SPSB2: variants seen among roughly 807,000 people sequenced by gnomAD.
SPSB2 encodes the protein SPRY domain-containing SOCS box protein 2.
SPSB2 carries 25 observed loss-of-function variants against 19.2 expected under a neutral mutation model. The observed-to-expected ratio is 1.30, with a 90% CI of 0.95 to 1.82. The LOEUF (loss-of-function observed/expected upper bound fraction) is 1.82. Among genes scored for constraint, SPSB2 ranks in the 40% most tolerant of loss-of-function variants. The pLI, the probability that SPSB2 is intolerant of heterozygous loss-of-function variation, is 0.00. For missense variants in SPSB2, 413 were observed against 344.9 expected (o/e 1.20, Z -1.56); for synonymous variants, 153 against 154.9 (o/e 0.99, Z 0.09).
chr12:6,872,045 C>T, intron 2 of SPSB2, 193 bp downstream of exon 2: 1 of 1,508,544 alleles, frequency 6.6e-7, no homozygotes, highest in East Asian at 2.4e-5. Context: ...TTTCTCAAGC[C>T]TGTTTCACCT....
At position 6,872,871 on chromosome 12, in the gene SPSB2, T is replaced by G. The variant is rs1555134183; in HGVS notation, c.31A>C (p.Ser11Arg). 3.1e-6 allele frequency: 5 copies of G among 1,591,148 alleles called. No individual in the cohort carries two copies. In the South Asian group the frequency reaches 5.6e-5, roughly 18 times the overall value. Reference sequence around the variant, plus strand: ...AGGGCCTGTGGCGTGGGGGTGCTGCTGCTGCCCCCTGCCAGAGCTGTCTGG... The same window carrying G: ...AGGGCCTGTGGCGTGGGGGTGCTGCGGCTGCCCCCTGCCAGAGCTGTCTGG... MGQTALAGGS[S>R]STPTPQALYP... The change falls in exon 2 of 3, where the codon AGC (serine) becomes CGC (arginine). Residue 11 changes from serine to arginine, a missense_variant. Ser to Arg is a moderately radical substitution (Grantham distance 110). Transcript: ENST00000524270.
In SPSB2 at chr12:6,872,823, C is replaced by T. The variant is rs1402204323; in HGVS notation, c.79G>A (p.Glu27Lys). ...GCAGACAGCAGCTCTTCCAAGCCCT[C>T]GGGACAGGAGAGGTCAGGGTACAGG... ...QALYPDLSCP[E>K]GLEELLSAPP... is the part of the protein sequence containing the mutation. Residue 27 changes from glutamate (E) to lysine (K), a missense_variant, in exon 2 of 3, where the codon GAG (glutamate) becomes AAG (lysine). Coordinates refer to ENST00000524270, the MANE Select transcript of SPSB2 (RefSeq NM_032641.4). 4 of 1,611,644 alleles carry T rather than the reference C, an allele frequency of 2.5e-6. No homozygotes were observed. Among genetic ancestry groups the T allele is most frequent in the African/African-American group, 2.7e-5 (2 of 74,922 alleles).
rs782437142 is a variant in SPSB2, at chr12:6,871,319, G to C, written c.665C>G (p.Ala222Gly). Reference sequence around the variant, plus strand: ...CAGGTGCAGAAGGGAGTGTGGCTCCGCTGGGAGAGAGAAGGAGGGGAATGT... The same window carrying C: ...CAGGTGCAGAAGGGAGTGTGGCTCCCCTGGGAGAGAGAAGGAGGGGAATGT... ...VRIRYLGERR[A>G]EPHSLLHLSR... Residue 222 changes from alanine (A) to glycine (G), a missense_variant and splice_region_variant, in exon 3 of 3, where the codon GCG (alanine) becomes GGG (glycine). Physicochemically the swap from Ala to Gly is moderately conservative, Grantham distance 60 (BLOSUM62 0). Transcript: ENST00000524270. The C allele has an allele frequency of 6.2e-7, 1 of 1,611,950 alleles. No homozygotes were observed. Among genetic ancestry groups the C allele is most frequent in the Non-Finnish European group, 8.5e-7 (1 of 1,179,318 alleles).
Position 6,872,275 on chromosome 12 carries a change from C to A in SPSB2, c.627G>T (p.Gln209His). The A allele has an allele frequency of 6.2e-7, 1 of 1,614,168 alleles. No homozygotes were observed. Among genetic ancestry groups the A allele is most frequent in the South Asian group, 1.1e-5 (1 of 91,086 alleles). ...LYPAVSAVWG[Q>H]CQVRIRYLGE... ...CCAGGTAGCGGATGCGGACCTGGCA[C>A]TGGCCCCAGACAGCGCTTACTGCCG... The change falls in exon 2 of 3, where the codon CAG becomes CAT. Residue 209 changes from glutamine (Q) to histidine (H), a missense_variant. Coordinates refer to ENST00000524270, the MANE Select transcript of SPSB2 (RefSeq NM_032641.4).
chr12:6,872,496 C>CGATG lies in SPSB2; in HGVS notation c.402_405dup (p.Gly136HisfsTer25), dbSNP rs782227667. 1.7e-5 allele frequency: 28 copies of CGATG among 1,612,726 alleles called. No homozygotes were observed. In the East Asian group the frequency reaches 6.2e-4, roughly 36 times the overall value. ...CTCTGATGGTACAGCTTCCCCCGCC[C>CGATG]GATGTCCCAGCCCCACGACTCGCTG... On this transcript the variant is annotated frameshift_variant, in exon 2 of 3. Coordinates refer to ENST00000524270, the MANE Select transcript of SPSB2 (RefSeq NM_032641.4). LOFTEE classifies it high-confidence loss of function.
In SPSB2 at chr12:6,872,307, G is replaced by A; in HGVS notation, c.595C>T (p.Leu199Phe). 6.2e-7 allele frequency: 1 copy of A among 1,614,200 alleles called. No individual in the cohort carries two copies. Among genetic ancestry groups the A allele is most frequent in the Non-Finnish European group, 8.5e-7 (1 of 1,180,028 alleles). Residue 199 changes from leucine to phenylalanine, a missense_variant, in exon 2 of 3, where the codon CTC becomes TTC. Leu to Phe is a conservative substitution (Grantham distance 22, BLOSUM62 0). Coordinates refer to ENST00000524270, the MANE Select transcript of SPSB2 (RefSeq NM_032641.4). ...CAGACAGCGCTTACTGCCGGATAGA[G>A]GGTCCTGCCCTTCAGTCCGCGGAAT... ...PAFRGLKGRT[L>F]YPAVSAVWGQ... is the part of the protein sequence containing the mutation.
chr12:6,872,896 G>A lies in SPSB2; in HGVS notation c.6C>T (p.Gly2=), dbSNP rs782045508. The stretch of plus-strand genomic sequence containing the variant: ...TGCTGCCCCCTGCCAGAGCTGTCTG[G>A]CCCATGGAGGTGAGGAGCTAGAGGA... M[G]QTALAGGSSS... is the part of the protein sequence containing the mutation. The change falls in exon 2 of 3, where the codon GGC becomes GGT. Residue 2 remains glycine (G), a synonymous_variant. Coordinates refer to ENST00000524270, the MANE Select transcript of SPSB2 (RefSeq NM_032641.4). 6.4e-7 allele frequency: 1 copy of A among 1,570,728 alleles called. No individual in the cohort carries two copies. Among genetic ancestry groups the A allele is most frequent in the Non-Finnish European group, 8.7e-7 (1 of 1,155,552 alleles).
In SPSB2 at chr12:6,871,125, G is replaced by A; in HGVS notation, c.*67C>T. On this transcript the variant is annotated 3_prime_UTR_variant, in exon 3 of 3. Coordinates refer to ENST00000524270, the MANE Select transcript of SPSB2 (RefSeq NM_032641.4). ...TCAGCAGCTGGTCTAGGCCAGCAGT[G>A]CCTCCCCACCTCCCCAAGGGGAGGG... The A allele has an allele frequency of 1.9e-6, 3 of 1,545,040 alleles. No homozygotes were observed. Among genetic ancestry groups the A allele is most frequent in the Non-Finnish European group, 2.6e-6 (3 of 1,142,770 alleles).
In SPSB2 at chr12:6,871,023, T is replaced by G; in HGVS notation, c.*169A>C. 1.3e-6 allele frequency: 1 copy of G among 794,438 alleles called. No individual in the cohort carries two copies. Among genetic ancestry groups the G allele is most frequent in the South Asian group, 1.6e-5 (1 of 62,140 alleles). The allele number at this position is 794,438 out of a possible 1,614,324, so 49.2% of individuals were successfully genotyped here. A position where few individuals can be genotyped will look rare whatever the true frequency, so the allele number is the denominator to read the frequency against. ...AGCCTTGAACGCCGGCTCCCTTTCT[T>G]CCTCCCTCCAAGTGGCTCTGGGGCT... On this transcript the variant is annotated 3_prime_UTR_variant, in exon 3 of 3. Transcript: ENST00000524270.
Position 6,871,306 on chromosome 12 carries a change from G to A in SPSB2, c.678C>T (p.Ser226=). The A allele has an allele frequency of 6.2e-7, 1 of 1,613,552 alleles. No homozygotes were observed. Among genetic ancestry groups the A allele is most frequent in the Non-Finnish European group, 8.5e-7 (1 of 1,179,874 alleles). Residue 226 remains serine (S), a synonymous_variant, in exon 3 of 3, where the codon TCC becomes TCT. Transcript: ENST00000524270. ...YLGERRAEPH[S]LLHLSRLCVR... is the part of the protein sequence containing the mutation. ...CACACAGGCGGCTCAGGTGCAGAAG[G>A]GAGTGTGGCTCCGCTGGGAGAGAGA...
Position 6,872,765 on chromosome 12 carries a change from T to G in SPSB2, c.137A>C (p.His46Pro). The change falls in exon 2 of 3, where the codon CAC (histidine) becomes CCC (proline). Residue 46 changes from histidine (H) to proline (P), a missense_variant. Coordinates refer to ENST00000524270, the MANE Select transcript of SPSB2 (RefSeq NM_032641.4). ...PPPDLGAQRR[H>P]GWNPKDCSEN... ...TGAACAGTCTTTGGGGTTCCAACCG[T>G]GGCGCCGCTGGGCCCCCAGGTCAGG... 6.2e-7 allele frequency: 1 copy of G among 1,612,526 alleles called. No homozygotes were observed. The highest frequency in any genetic ancestry group is 8.5e-7 in the Non-Finnish European group (1 of 1,180,026).
chr12:6,872,767 G>A lies in SPSB2; in HGVS notation c.135C>T (p.Arg45=), dbSNP rs1425241645. ...AACAGTCTTTGGGGTTCCAACCGTG[G>A]CGCCGCTGGGCCCCCAGGTCAGGAG... ...APPPDLGAQR[R]HGWNPKDCSE... is the part of the protein sequence containing the mutation. Residue 45 remains arginine (R), a synonymous_variant, in exon 2 of 3, where the codon CGC becomes CGT. Coordinates refer to ENST00000524270, the MANE Select transcript of SPSB2 (RefSeq NM_032641.4). 2 of 1,612,486 alleles carry A rather than the reference G, an allele frequency of 1.2e-6. No homozygotes were observed. Among genetic ancestry groups the A allele is most frequent in the East Asian group, 2.2e-5 (1 of 44,888 alleles).
chr12:6,872,462 G>A lies in SPSB2; in HGVS notation c.440C>T (p.Pro147Leu). 2 of 1,614,060 alleles carry A rather than the reference G, an allele frequency of 1.2e-6. No individual in the cohort carries two copies. The highest frequency in any genetic ancestry group is 1.7e-6 in the Non-Finnish European group (2 of 1,180,018). The change falls in exon 2 of 3, where the codon CCC becomes CTC. Residue 147 changes from proline to leucine, a missense_variant. Pro to Leu is a moderately conservative substitution (Grantham distance 98). Transcript: ENST00000524270. Reference sequence around the variant, plus strand: ...TCCCGCTGGATACTGGGGGGCTCCGGGCCCCTTGCTCTGATGGTACAGCTT... The same window carrying A: ...TCCCGCTGGATACTGGGGGGCTCCGAGCCCCTTGCTCTGATGGTACAGCTT... ...RGKLYHQSKG[P>L]GAPQYPAGTQ...
rs1343635327 is a variant in SPSB2 at position 6,873,273 on chromosome 12, CGCCGGGCCTCTGAAGGA to C, written c.-141_-125del. ...CGGTTGACTTCCCAGCCCTGGAGGT[CGCCGGGCCTCTGAAGGA>C]GCCGGGCGGAAAGAAGCCGAGGCGC... On this transcript the variant is annotated 5_prime_UTR_variant, in exon 1 of 3. Coordinates refer to ENST00000524270, the MANE Select transcript of SPSB2 (RefSeq NM_032641.4). 5.1e-6 allele frequency: 1 copy of C among 196,406 alleles called. No individual in the cohort carries two copies. Among genetic ancestry groups the C allele is most frequent in the Non-Finnish European group, 1.0e-5 (1 of 97,320 alleles). The allele number at this position is 196,406 out of a possible 1,614,324, so 12.2% of individuals were successfully genotyped here. A position where few individuals can be genotyped will look rare whatever the true frequency, so the allele number is the denominator to read the frequency against.
In SPSB2 at chr12:6,871,331, A is replaced by G. The variant is rs782646050; in HGVS notation, c.665-12T>C. The G allele has an allele frequency of 2.1e-5, 34 of 1,595,024 alleles. No homozygotes were observed. The highest frequency in any genetic ancestry group is 1.1e-4 in the African/African-American group (7 of 63,066). On this transcript the variant is annotated splice_polypyrimidine_tract_variant and intron_variant, in intron 2 of 2. Coordinates refer to ENST00000524270, the MANE Select transcript of SPSB2 (RefSeq NM_032641.4). ...GGAGTGTGGCTCCGCTGGGAGAGAG[A>G]AGGAGGGGAATGTAAGTATGGGTGC...
At chr12:6,873,041 C>T in intron 1 of SPSB2, 44 bp from the exon 2 acceptor site, 6 of 616,820 alleles carry the variant, frequency 9.7e-6, no homozygotes, top group Non-Finnish European at 1.4e-5. Context: ...GGCGGGGGCT[C>T]GTCACCCAGG....
At position 6,873,157 on chromosome 12, in the gene SPSB2, G is replaced by T. The variant is rs782760973; in HGVS notation, c.-97+89C>A. On this transcript the variant is annotated intron_variant, in intron 1 of 2. Coordinates refer to ENST00000524270, the MANE Select transcript of SPSB2 (RefSeq NM_032641.4). Reference sequence around the variant, plus strand: ...GCCCTCGCCCCATCTGATCCAGGTCGCCAGAGACTCTCGCGAGTTCGCCCC... The same window carrying T: ...GCCCTCGCCCCATCTGATCCAGGTCTCCAGAGACTCTCGCGAGTTCGCCCC... 3.8e-5 allele frequency: 17 copies of T among 445,578 alleles called. No individual in the cohort carries two copies. In the South Asian group the frequency reaches 7.8e-4, roughly 21 times the overall value. 27.6% of individuals were successfully genotyped at this position (445,578 alleles called of 1,614,324 possible).
chr12:6,871,381 C>A, intron 2 of SPSB2, 62 bp from the exon 3 acceptor site: 1 of 1,549,910 alleles, frequency 6.5e-7, no homozygotes, highest in Non-Finnish European at 8.8e-7. Flanking sequence ...TGTCCTCAAA[C>A]TACGGGGTCC....
chr12:6,871,724 C>G (rs1424593133), intron 2 of SPSB2: 1 of 345,268 alleles, frequency 2.9e-6, no homozygotes, highest in African/African-American at 2.1e-5. Flanking sequence ...GCTGCCCCAC[C>G]CTAAGGCCCT....
Sources: allele counts gnomAD v4.1 joint callset, GRCh38; gene constraint gnomAD v4.1.1; transcripts MANE v1.5; gene names NCBI Gene and HGNC (gene_info 2026-07-23, HGNC 2026-07-21).